DONSON: variants seen among roughly 807,000 people sequenced by gnomAD.
DONSON encodes protein downstream neighbor of Son.
Under a neutral mutation model 62.1 loss-of-function variants are expected in DONSON, and 43 were observed. The ratio of observed to expected loss-of-function variants is 0.69; its 90% confidence interval spans 0.54 to 0.89. The LOEUF is 0.89. Ranked by LOEUF, DONSON falls within the 40% of genes least tolerant of loss-of-function variation. The pLI is 0.00. For synonymous variants in DONSON, 266 were observed against 264.6 expected, an observed-to-expected ratio of 1.01 and a Z score of -0.05; for missense variants, 696 against 697.5, an observed-to-expected ratio of 1.00 and a Z score of 0.03.
Position 33,584,042 on chromosome 21 carries a change from ATATACT to A in DONSON, c.786-382_786-377del, listed in dbSNP as rs1292279281. 8.2e-3 allele frequency among the ~76,000 whole-genome samples: 965 copies of A among 118,006 alleles called. 12 individuals carry two copies. The highest frequency in any genetic ancestry group is 0.03 in the African/African-American group (900 of 30,334). The allele number at this position is 118,006 out of a possible 152,430, so 77.4% of individuals were successfully genotyped here. A position where few individuals can be genotyped will look rare whatever the true frequency, so the allele number is the denominator to read the frequency against. On this transcript the variant is annotated intron_variant, in intron 4 of 9. Coordinates refer to ENST00000303071, the MANE Select transcript of DONSON (RefSeq NM_017613.4). ...TATATATATATATATATATATATATATATACTTTTTTTTTTTTTTTGAGACGGAGTT... is the reference window on the plus strand; with the variant it reads ...TATATATATATATATATATATATATATTTTTTTTTTTTTTGAGACGGAGTT...
rs531692338 is a variant in DONSON at position 33,588,627 on chromosome 21, C to T, written c.15G>A (p.Val5=). 5 of 1,241,752 alleles carry T rather than the reference C, an allele frequency of 4.0e-6. No individual in the cohort carries two copies. The highest frequency in any genetic ancestry group is 4.2e-5 in the Admixed American group (1 of 23,928). 76.9% of individuals were successfully genotyped at this position (1,241,752 alleles called of 1,614,324 possible). Residue 5 remains valine (V), a synonymous_variant, in exon 1 of 10, where the codon GTG becomes GTA. Coordinates refer to ENST00000303071, the MANE Select transcript of DONSON (RefSeq NM_017613.4). MALS[V]PGYSPGFRKP... Reference sequence around the variant, plus strand: ...TTCGGAAGCCCGGTGAGTAGCCGGGCACCGAAAGGGCCATGACGCGCGGCG... The same window carrying T: ...TTCGGAAGCCCGGTGAGTAGCCGGGTACCGAAAGGGCCATGACGCGCGGCG...
At position 33,578,422 on chromosome 21, in the gene DONSON, G is replaced by A. The variant is rs141237312; in HGVS notation, c.1586C>T (p.Thr529Ile). ...AGTGTTAGGGTGCAAACCACAGTTA[G>A]TAAGCTCCTTATGAACAACCTCCTG... ...LDMEVVHKELTNCGLHPNTLE... is the reference protein window; with the variant it reads ...LDMEVVHKELINCGLHPNTLE... The change falls in exon 10 of 10, where the codon ACT becomes ATT. Residue 529 changes from threonine to isoleucine, a missense_variant. Thr to Ile is a moderately conservative substitution (Grantham distance 89, BLOSUM62 -1). Transcript: ENST00000303071. 6,290 of 1,613,782 alleles carry A rather than the reference G, an allele frequency of 3.9e-3. 11 individuals carry two copies. The highest frequency in any genetic ancestry group is 5.0e-3 in the Middle Eastern group (30 of 6,056).
chr21:33,580,948 C>T (rs2084731567), intron 8 of DONSON, among the ~76,000 whole-genome samples: 3 of 151,602 alleles, frequency 2.0e-5, no homozygotes, highest in South Asian at 4.2e-4. Flanking sequence ...GTGGTGTGTG[C>T]TTGTAATCCC....
chr21:33,585,935 T>TA (rs762653453), intron 3 of DONSON, 43 bp downstream of exon 3: 2 of 1,591,132 alleles, frequency 1.3e-6, no homozygotes, highest in South Asian at 2.2e-5. Context: ...ATTTCACACT[T>TA]AATTTGTTAC....
chr21:33,588,563 G>A lies in DONSON; in HGVS notation c.79C>T (p.Arg27Trp), dbSNP rs2086609958. 4 of 1,253,998 alleles carry A rather than the reference G, an allele frequency of 3.2e-6. No homozygotes were observed. The highest frequency in any genetic ancestry group is 3.0e-5 in the South Asian group (1 of 33,352). The allele number at this position is 1,253,998 out of a possible 1,614,324, so 77.7% of individuals were successfully genotyped here. ...EVVRLRRKRA[R>W]SRGAAASPPR... is the part of the protein sequence containing the mutation. ...GGGGAGGCGGCAGCTCCACGGCTCC[G>A]GGCCCTTTTCCGTCGGAGCCGCACT... Residue 27 changes from arginine to tryptophan, a missense_variant, in exon 1 of 10, where the codon CGG becomes TGG. Arg to Trp is a moderately radical substitution (Grantham distance 101). Coordinates refer to ENST00000303071, the MANE Select transcript of DONSON (RefSeq NM_017613.4).
In DONSON at chr21:33,577,652, C is replaced by CCCCTAT. The variant is rs1569072921; in HGVS notation, c.*654_*655insATAGGG. The stretch of plus-strand genomic sequence containing the variant: ...ACACACACACACACACACACACACA[C>CCCCTAT]ACACACACACACACACACACACACA... On this transcript the variant is annotated 3_prime_UTR_variant, in exon 10 of 10. Coordinates refer to ENST00000303071, the MANE Select transcript of DONSON (RefSeq NM_017613.4). The CCCCTAT allele has an allele frequency of 3.4e-5, 3 of 89,292 alleles. No individual in the cohort carries two copies. The highest frequency in any genetic ancestry group is 5.0e-5 in the Non-Finnish European group (2 of 39,710). 5.5% of individuals were successfully genotyped at this position (89,292 alleles called of 1,614,324 possible).
intron 4 of DONSON, among the ~76,000 whole-genome samples, chr21:33,584,044 ATACTTT>A (rs1400602970): frequency 9.9e-5 from 10 of 101,376 alleles, no homozygotes; most frequent in African/African-American, 4.2e-4. Flanking sequence ...ATATATATAT[ATACTTT>A]TTTTTTTTTT....
intron 8 of DONSON, 62 bp downstream of exon 8, chr21:33,581,240 A>G: frequency 2.1e-6 from 3 of 1,452,602 alleles, no homozygotes; most frequent in Non-Finnish European, 2.8e-6. Context: ...TTTTTAAATC[A>G]AGAATTTATC....
chr21:33,584,762 TG>T lies in DONSON; in HGVS notation c.612del (p.Lys205AsnfsTer54). ...GTACAACGGAGCTCAGAGGAGAGTT[TG>T]GGATCCTAAAATCCAAAGGTGACAG... ...EVTLPKSIQDPKLSSELRCTF... is the reference protein window; with the variant it reads ...EVTLPKSIQDXKLSSELRCTF... On this transcript the variant is annotated frameshift_variant, in exon 4 of 10. Coordinates refer to ENST00000303071, the MANE Select transcript of DONSON (RefSeq NM_017613.4). LOFTEE classifies it high-confidence loss of function. 1 of 1,530,646 alleles carries T rather than the reference TG, an allele frequency of 6.5e-7. No homozygotes were observed. The highest frequency in any genetic ancestry group is 8.8e-7 in the Non-Finnish European group (1 of 1,133,216). 94.8% of individuals were successfully genotyped at this position (1,530,646 alleles called of 1,614,324 possible). A position where few individuals can be genotyped will look rare whatever the true frequency, so the allele number is the denominator to read the frequency against.
At chr21:33,583,206 A>C (rs1386085931) in intron 5 of DONSON, among the ~76,000 whole-genome samples, 18 of 60,472 alleles carry the variant, frequency 3.0e-4, no homozygotes, top group African/African-American at 8.3e-4. Flanking sequence ...ATCTCAAAAA[A>C]AAAAAAAAAA....
At position 33,578,330 on chromosome 21, in the gene DONSON, A is replaced by C; in HGVS notation, c.1678T>G (p.Tyr560Asp). 6.2e-7 allele frequency: 1 copy of C among 1,613,808 alleles called. No individual in the cohort carries two copies. Among genetic ancestry groups the C allele is most frequent in the Non-Finnish European group, 8.5e-7 (1 of 1,179,860 alleles). ...SSLRNVVLRD[Y>D]IYNWRS ...GTTCAGGATCTCCAATTATAAATGT[A>C]GTCTCTCAGCACCACATTCCGTAAA... Residue 560 changes from tyrosine to aspartate, a missense_variant, in exon 10 of 10, where the codon TAC becomes GAC. By Grantham distance (160) the Tyr-to-Asp change is radical (BLOSUM62 -3). Transcript: ENST00000303071.
At chr21:33,588,296 G>A (rs2086604906) in intron 1 of DONSON, 25 bp downstream of exon 1, 3 of 1,251,258 alleles carry the variant, frequency 2.4e-6, no homozygotes, top group Non-Finnish European at 3.0e-6. Context: ...AGAGCCCCTT[G>A]GCGGCCAGGC....
intron 1 of DONSON, 131 bp downstream of exon 1, chr21:33,588,190 G>A: frequency 1.3e-6 from 1 of 760,112 alleles, no homozygotes; most frequent in Non-Finnish European, 1.8e-6. Flanking sequence ...GGTACCCTAA[G>A]GCCACGGGCG....
rs2086464618 is a variant in DONSON, at chr21:33,578,626, T to C, written c.1564-182A>G. 2.6e-5 allele frequency among the ~76,000 whole-genome samples: 4 copies of C among 152,242 alleles called. No homozygotes were observed. The South Asian group carries it at 8.3e-4, about 31-fold the overall frequency. On this transcript the variant is annotated intron_variant, in intron 9 of 9. Coordinates refer to ENST00000303071, the MANE Select transcript of DONSON (RefSeq NM_017613.4). ...CCCAAAATATTAATGGTTATAAGTC[T>C]AGCCAACTGAGATGCATGAGACAAT...
chr21:33,582,266 G>GT lies in DONSON; in HGVS notation c.965-21dup, dbSNP rs1339193302. 3.8e-6 allele frequency: 6 copies of GT among 1,576,540 alleles called. No homozygotes were observed. The highest frequency in any genetic ancestry group is 5.2e-6 in the Non-Finnish European group (6 of 1,148,084). ...CAATACCTATATGAGGAACAAAAAT[G>GT]TAACTGAGTTGTCATTTAAAGTATT... On this transcript the variant is annotated intron_variant, in intron 5 of 9. Transcript: ENST00000303071.
rs942241647 is a variant in DONSON at position 33,588,409 on chromosome 21, T to A, written c.233A>T (p.Asn78Ile). 1 of 1,303,874 alleles carries A rather than the reference T, an allele frequency of 7.7e-7. No homozygotes were observed. Among genetic ancestry groups the A allele is most frequent in the Non-Finnish European group, 9.7e-7 (1 of 1,028,786 alleles). 80.8% of individuals were successfully genotyped at this position (1,303,874 alleles called of 1,614,324 possible). A position where few individuals can be genotyped will look rare whatever the true frequency, so the allele number is the denominator to read the frequency against. The change falls in exon 1 of 10, where the codon AAC (asparagine) becomes ATC (isoleucine). Residue 78 changes from asparagine (N) to isoleucine (I), a missense_variant. Physicochemically the swap from Asn to Ile is moderately radical, Grantham distance 149. Transcript: ENST00000303071. ...TCGGTTGTCCAGGCGGGCGAAGGGGTTCCTCCGAGCAGCGGCCGGGCCGCC... is the reference window on the plus strand; with the variant it reads ...TCGGTTGTCCAGGCGGGCGAAGGGGATCCTCCGAGCAGCGGCCGGGCCGCC... The part of the protein sequence containing the change: ...SGGGPAAARR[N>I]PFARLDNRPR...
chr21:33,581,417 A>G lies in DONSON; in HGVS notation c.1235T>C (p.Leu412Pro). The G allele has an allele frequency of 1.2e-6, 2 of 1,614,146 alleles. No homozygotes were observed. The highest frequency in any genetic ancestry group is 1.7e-6 in the Non-Finnish European group (2 of 1,180,008). The change falls in exon 8 of 10, where the codon CTC becomes CCC. Residue 412 changes from leucine (L) to proline (P), a missense_variant. By Grantham distance (98) the Leu-to-Pro change is moderately conservative (BLOSUM62 -3). Transcript: ENST00000303071. ...LVKGINTFTLLNFLINSKSLV... is the reference protein window; with the variant it reads ...LVKGINTFTLPNFLINSKSLV... Reference sequence around the variant, plus strand: ...ACTCTTAGAGTTAATCAAAAAATTGAGCAATGTAAAGGTGTTGATTCCTTT... The same window carrying G: ...ACTCTTAGAGTTAATCAAAAAATTGGGCAATGTAAAGGTGTTGATTCCTTT...
rs1369017423 is a variant in DONSON, at chr21:33,578,361, T to C, written c.1647A>G (p.Lys549=). The C allele has an allele frequency of 6.8e-6, 11 of 1,614,070 alleles. No individual in the cohort carries two copies. Among genetic ancestry groups the C allele is most frequent in the Non-Finnish European group, 7.6e-6 (9 of 1,179,972 alleles). The change falls in exon 10 of 10, where the codon AAA becomes AAG. Residue 549 remains lysine (K), a synonymous_variant. Transcript: ENST00000303071. ...TCAGCACCACATTCCGTAAAGATGA[T>C]TTCCCAAGTAACGGTATTTGACTAA... The part of the protein sequence containing the change: ...EQLSQIPLLG[K]SSLRNVVLRD...
chr21:33,584,030 A>ATG lies in DONSON; in HGVS notation c.786-365_786-364insCA, dbSNP rs1488727449. The stretch of plus-strand genomic sequence containing the variant: ...GCTGCGTGTTTATATATATATATAT[A>ATG]TATATATATATATATACTTTTTTTT... On this transcript the variant is annotated intron_variant, in intron 4 of 9. Transcript: ENST00000303071. 3.1e-3 allele frequency among the ~76,000 whole-genome samples: 441 copies of ATG among 143,274 alleles called. 3 individuals carry two copies. The highest frequency in any genetic ancestry group is 5.4e-3 in the Non-Finnish European group (355 of 65,594). 94.0% of individuals were successfully genotyped at this position (143,274 alleles called of 152,430 possible). A position where few individuals can be genotyped will look rare whatever the true frequency, so the allele number is the denominator to read the frequency against.
Sources: gnomAD v4.1 joint callset for allele counts (sites outside exome capture counted in the v4.1 genomes callset) on GRCh38, gnomAD v4.1.1 for gene constraint, MANE v1.5 for transcripts, NCBI Gene and HGNC (gene_info 2026-07-23, HGNC 2026-07-21) for gene names.